Variants in SCNN1A observed in about 807,000 individuals in gnomAD.
SCNN1A encodes the protein epithelial sodium channel subunit alpha.
SCNN1A carries 65 observed loss-of-function variants against 68.6 expected under a neutral mutation model. That is an observed-to-expected ratio of 0.95 (90% CI 0.78 to 1.16). The LOEUF (loss-of-function observed/expected upper bound fraction) is 1.16, where lower values mean the gene tolerates loss of function less well. Ranked by LOEUF, SCNN1A falls within the 50% of genes most tolerant of loss-of-function variation. The probability of loss-of-function intolerance (pLI) is 0.00; values close to 1 mark genes in which losing one functional copy is unlikely to be tolerated. For synonymous variants in SCNN1A, 357 were observed against 353.3 expected (o/e 1.01, Z -0.12); for missense variants, 880 against 865.9 (o/e 1.02, Z -0.20).
chr12:6,348,871 C>T (rs989686921), intron 11 of SCNN1A, 69 bp from the exon 12 acceptor site: 2 of 1,602,096 alleles, frequency 1.2e-6, no homozygotes, highest in African/African-American at 2.7e-5. Context: ...CTCTAATCAA[C>T]CATATCGATC....
intron 11 of SCNN1A, 41 bp from the exon 12 acceptor site, chr12:6,348,843 T>C: frequency 3.1e-6 from 5 of 1,604,780 alleles, no homozygotes; most frequent in Non-Finnish European, 4.3e-6. Context: ...TGGTAGAGGA[T>C]GAATTTCCTG....
In SCNN1A at chr12:6,369,273, G is replaced by GCCTCCCTCCTGCCACCCTACGCA. The variant is rs1948735910; in HGVS notation, c.416+5094_416+5095insTGCGTAGGGTGGCAGGAGGGAGG. On this transcript the variant is annotated intron_variant, in intron 2 of 12. Coordinates refer to ENST00000228916, the MANE Select transcript of SCNN1A (RefSeq NM_001038.6). ...CCTCCTCCATGCTGCCACCCTACAC[G>GCCTCCCTCCTGCCACCCTACGCA]CCTCCCTCCTGCCACCCTACTCACC... Among the ~76,000 whole-genome samples, 8 of 125,598 alleles carry GCCTCCCTCCTGCCACCCTACGCA rather than the reference G, an allele frequency of 6.4e-5. No individual in the cohort carries two copies. In the East Asian group the frequency reaches 6.6e-4, roughly 10 times the overall value. The allele number at this position is 125,598 out of a possible 152,430, so 82.4% of individuals were successfully genotyped here. A position where few individuals can be genotyped will look rare whatever the true frequency, so the allele number is the denominator to read the frequency against.
chr12:6,377,118 A>T, upstream of SCNN1A: 2 of 646,408 alleles, frequency 3.1e-6, no homozygotes, highest in Middle Eastern at 3.3e-4. Context: ...TAGCAGGCAA[A>T]GAAGAGAAAA....
chr12:6,357,776 GT>G, intron 4 of SCNN1A, among the ~76,000 whole-genome samples: 1 of 150,552 alleles, frequency 6.6e-6, no homozygotes. Flanking sequence ...GGCGGGTGGG[GT>G]CACCTGAGGT....
rs950672426 is a variant in SCNN1A, at chr12:6,362,035, G to A, written c.875+16C>T. On this transcript the variant is annotated intron_variant, in intron 4 of 12. Transcript: ENST00000228916. ...GGACCCCGCGGAGAGCAAGGAGCCA[G>A]GCAGGACTGACTCACGCCTGGTTGC... 8 of 1,613,742 alleles carry A rather than the reference G, an allele frequency of 5.0e-6. No homozygotes were observed. The highest frequency in any genetic ancestry group is 6.8e-6 in the Non-Finnish European group (8 of 1,179,880).
chr12:6,362,943 A>C, intron 3 of SCNN1A, among the ~76,000 whole-genome samples: 2 of 6 alleles, frequency 0.33, no homozygotes. Flanking sequence ...TAGGCCTCCC[A>C]AAGTGCTGGG....
upstream of SCNN1A, among the ~76,000 whole-genome samples, chr12:6,376,822 C>G (rs530607445): frequency 4.6e-5 from 7 of 152,202 alleles, no homozygotes; most frequent in South Asian, 2.1e-4. Context: ...TGGTCACTGG[C>G]TTGTCCTGCC....
chr12:6,354,816 G>A lies in SCNN1A; in HGVS notation c.1176C>T (p.Gly392=), dbSNP rs72657575. Residue 392 remains glycine (G), a synonymous_variant, in exon 7 of 13, where the codon GGC becomes GGT. Coordinates refer to ENST00000228916, the MANE Select transcript of SCNN1A (RefSeq NM_001038.6). ...CATCACTGCCATTCTTGGTGCAGTC[G>A]CCATAATCGCCCCCAAGTCTGTCCA... ...ETLDRLGGDY[G]DCTKNGSDVP... The A allele has an allele frequency of 2.1e-5, 34 of 1,613,810 alleles. No individual in the cohort carries two copies. Among genetic ancestry groups the A allele is most frequent in the South Asian group, 3.3e-5 (3 of 91,044 alleles).
In SCNN1A at chr12:6,372,123, C is replaced by G. The variant is rs900822381; in HGVS notation, c.416+2245G>C. Among the ~76,000 whole-genome samples the G allele has an allele frequency of 2.6e-5, 4 of 152,198 alleles. No homozygotes were observed. Among genetic ancestry groups the G allele is most frequent in the African/African-American group, 9.7e-5 (4 of 41,444 alleles). On this transcript the variant is annotated intron_variant, in intron 2 of 12. Transcript: ENST00000228916. The surrounding 1 kb of genome is among the most constrained non-coding windows in gnomAD (Gnocchi z 5.8). ...CCTCCCAAAGTGCTGGGATTACAGGCGTGAGGCACCATGCCCAGCGGTTAT... is the reference window on the plus strand; with the variant it reads ...CCTCCCAAAGTGCTGGGATTACAGGGGTGAGGCACCATGCCCAGCGGTTAT...
In SCNN1A at chr12:6,354,785, C is replaced by T; in HGVS notation, c.1207G>A (p.Val403Ile). 1 of 1,614,028 alleles carries T rather than the reference C, an allele frequency of 6.2e-7. No homozygotes were observed. The highest frequency in any genetic ancestry group is 8.5e-7 in the Non-Finnish European group (1 of 1,179,986). Reference protein sequence around the residue: ...DCTKNGSDVPVENLYPSKYTQ... With the variant: ...DCTKNGSDVPIENLYPSKYTQ... ...TACTTTGAAGGGTAAAGGTTCTCAACAGGAACATCACTGCCATTCTTGGTG... is the reference window on the plus strand; with the variant it reads ...TACTTTGAAGGGTAAAGGTTCTCAATAGGAACATCACTGCCATTCTTGGTG... The change falls in exon 7 of 13, where the codon GTT becomes ATT. Residue 403 changes from valine to isoleucine, a missense_variant. Val to Ile is a conservative substitution (Grantham distance 29, BLOSUM62 3). Around this residue, in one of 3 missense-constraint regions of SCNN1A, gnomAD observed 758 missense variants for 721.8 expected, o/e 1.05. Coordinates refer to ENST00000228916, the MANE Select transcript of SCNN1A (RefSeq NM_001038.6).
intron 2 of SCNN1A, among the ~76,000 whole-genome samples, chr12:6,367,261 T>G (rs998680129): frequency 2.6e-5 from 4 of 152,122 alleles, no homozygotes; most frequent in African/African-American, 9.7e-5. Context: ...AGAATGGCAA[T>G]CATAGCTAGC....
intron 2 of SCNN1A, among the ~76,000 whole-genome samples, chr12:6,368,091 T>C (rs533238871): frequency 6.6e-6 from 1 of 152,360 alleles, no homozygotes; most frequent in East Asian, 1.9e-4. Flanking sequence ...GCACTTATTA[T>C]GAGCCAGGCA....
At chr12:6,357,116 G>A (rs970574907) in intron 4 of SCNN1A, among the ~76,000 whole-genome samples, 1 of 152,198 alleles carries the variant, frequency 6.6e-6, no homozygotes, top group African/African-American at 2.4e-5. Flanking sequence ...ATGCAGGGAA[G>A]GACTGAAGGA....
chr12:6,350,068 C>A (rs1487612763), intron 8 of SCNN1A: 3 of 166,996 alleles, frequency 1.8e-5, no homozygotes, highest in Middle Eastern at 5.1e-4. Flanking sequence ...CTAAGTCAGG[C>A]GAAAAACAAA....
At chr12:6,366,615 A>T (rs1335147517) in intron 2 of SCNN1A, among the ~76,000 whole-genome samples, 2 of 152,098 alleles carry the variant, frequency 1.3e-5, no homozygotes, top group African/African-American at 4.8e-5. Flanking sequence ...AGACTGACCA[A>T]CATGGAGAAA....
rs561097830 is a variant in SCNN1A, at chr12:6,357,567, T to G, written c.876-1687A>C. On this transcript the variant is annotated intron_variant, in intron 4 of 12. Transcript: ENST00000228916. Reference sequence around the variant, plus strand: ...CGAGACTCTGTCTCAAAAAAAAAAATAGTAAGAGGTGAAATGAGATCTATA... The same window carrying G: ...CGAGACTCTGTCTCAAAAAAAAAAAGAGTAAGAGGTGAAATGAGATCTATA... Among the ~76,000 whole-genome samples, 5 of 143,464 alleles carry G rather than the reference T, an allele frequency of 3.5e-5. No homozygotes were observed. The East Asian group carries it at 1.0e-3, about 29-fold the overall frequency. 94.1% of individuals were successfully genotyped at this position (143,464 alleles called of 152,430 possible). A position where few individuals can be genotyped will look rare whatever the true frequency, so the allele number is the denominator to read the frequency against.
At chr12:6,375,298 C>T (rs72645132) in intron 1 of SCNN1A, 15 of 1,438,638 alleles carry the variant, frequency 1.0e-5, no homozygotes, top group Admixed American at 2.9e-5. Flanking sequence ...TCCTCTCCCC[C>T]CCTTGCCTTG....
chr12:6,365,647 T>C (rs1948662969), intron 2 of SCNN1A, among the ~76,000 whole-genome samples: 1 of 151,888 alleles, frequency 6.6e-6, no homozygotes, highest in African/African-American at 2.4e-5. Context: ...GAATACTGTA[T>C]TGGAAAAAAA....
chr12:6,377,261 G>A (rs1024558856), upstream of SCNN1A: 1 of 1,550,752 alleles, frequency 6.4e-7, no homozygotes, highest in Non-Finnish European at 8.7e-7. Flanking sequence ...CCTTGATACT[G>A]CTCATGATAC....
Sources: gnomAD v4.1 joint callset for allele counts (sites outside exome capture counted in the v4.1 genomes callset) on GRCh38, gnomAD v4.1.1 for gene constraint, gnomAD v4.1.1 regional missense constraint, Gnocchi (gnomAD v3.1) non-coding constraint, MANE v1.5 for transcripts, NCBI Gene and HGNC (gene_info 2026-07-23, HGNC 2026-07-21) for gene names.